The following CCDC92 variants were observed in gnomAD, a reference collection of about 807,000 sequenced individuals.
CCDC92 encodes coiled-coil domain-containing protein 92.
In CCDC92, 12 loss-of-function variants were observed where a neutral mutation model predicts 24.9. The ratio of observed to expected loss-of-function variants is 0.48; its 90% CI spans 0.31 to 0.78. The LOEUF (loss-of-function observed/expected upper bound fraction) is 0.78, where lower values mean the gene tolerates loss of function less well. Among genes scored for constraint, CCDC92 ranks in the 30% least tolerant of loss-of-function variants. The pLI, the probability that CCDC92 is intolerant of heterozygous loss-of-function variation, is 0.05. For synonymous variants in CCDC92, 193 were observed against 196.3 expected, an observed-to-expected ratio of 0.98 and a Z score of 0.14; for missense variants, 399 against 439.4, an observed-to-expected ratio of 0.91 and a Z score of 0.82.
chr12:123,942,891 C>A, intron 3 of CCDC92, 106 bp from the exon 4 acceptor site: 1 of 886,638 alleles, frequency 1.1e-6, no homozygotes, highest in Non-Finnish European at 1.9e-6. Context: ...CGAGTCCTAC[C>A]CAGACAGAGC....
chr12:123,941,647 G>A (rs1047526143), intron 4 of CCDC92, among the ~76,000 whole-genome samples: 4 of 152,232 alleles, frequency 2.6e-5, no homozygotes, highest in African/African-American at 9.6e-5. Context: ...CTCTATATAT[G>A]TTCCAGTGTA....
chr12:123,951,842 T>C (rs1176662127), intron 1 of CCDC92, among the ~76,000 whole-genome samples: 1 of 152,232 alleles, frequency 6.6e-6, no homozygotes, highest in Non-Finnish European at 1.5e-5. Context: ...AAATGATTCC[T>C]AGCAGTGAGG....
chr12:123,950,000 C>T (rs1028007350), intron 1 of CCDC92, among the ~76,000 whole-genome samples: 6 of 152,194 alleles, frequency 3.9e-5, no homozygotes, highest in African/African-American at 1.2e-4. Flanking sequence ...CTGACTTGCC[C>T]GAGCACAGTG....
intron 1 of CCDC92, among the ~76,000 whole-genome samples, chr12:123,967,817 CA>C (rs948500440): frequency 6.6e-5 from 10 of 152,178 alleles, no homozygotes; most frequent in African/African-American, 1.2e-4. Context: ...AATGCTTAAA[CA>C]ATGTTACCTA....
At chr12:123,954,552 T>G (rs754252045) in intron 1 of CCDC92, among the ~76,000 whole-genome samples, 4 of 152,196 alleles carry the variant, frequency 2.6e-5, no homozygotes, top group Non-Finnish European at 5.9e-5. Flanking sequence ...ATTAACTGGG[T>G]TTCTCTGCAC....
chr12:123,942,884 G>T, intron 3 of CCDC92, 99 bp from the exon 4 acceptor site: 1 of 941,112 alleles, frequency 1.1e-6, no homozygotes, highest in Non-Finnish European at 1.7e-6. Flanking sequence ...TAGCCAGCGA[G>T]TCCTACCCAG....
chr12:123,967,414 A>G (rs1566181497), intron 1 of CCDC92, among the ~76,000 whole-genome samples: 1 of 152,202 alleles, frequency 6.6e-6, no homozygotes, highest in African/African-American at 2.4e-5. Context: ...TCAATGTGCA[A>G]GATTTGGCTA....
chr12:123,942,667 G>C, intron 4 of CCDC92, 77 bp downstream of exon 4: 1 of 1,069,886 alleles, frequency 9.3e-7, no homozygotes, highest in East Asian at 2.4e-5. Context: ...TCCTAAGTGT[G>C]TGACTAGTGA....
At chr12:123,965,600 A>G (rs1316770909) in intron 1 of CCDC92, among the ~76,000 whole-genome samples, 1 of 152,058 alleles carries the variant, frequency 6.6e-6, no homozygotes, top group African/African-American at 2.4e-5. Flanking sequence ...ATCTATGGTC[A>G]GTCATCTTTC....
chr12:123,947,781 G>C (rs528947332), intron 1 of CCDC92, among the ~76,000 whole-genome samples: 2 of 152,238 alleles, frequency 1.3e-5, no homozygotes, highest in Middle Eastern at 3.4e-3. Context: ...CAGGCTGCCC[G>C]AGCCAGCAGT....
intron 1 of CCDC92, chr12:123,961,389 T>C (rs1956268621): frequency 6.6e-6 from 1 of 152,160 alleles, no homozygotes; most frequent in South Asian, 2.1e-4. Context: ...ATGGGCAGAG[T>C]TGGGACAGGA....
At chr12:123,962,178 G>C (rs1052799166) in intron 1 of CCDC92, among the ~76,000 whole-genome samples, 1 of 152,052 alleles carries the variant, frequency 6.6e-6, no homozygotes, top group African/African-American at 2.4e-5. Context: ...ATCAGAATAA[G>C]AGAAAATGCT....
intron 1 of CCDC92, among the ~76,000 whole-genome samples, chr12:123,947,758 A>G (rs979895499): frequency 6.6e-6 from 1 of 152,128 alleles, no homozygotes; most frequent in African/African-American, 2.4e-5. Context: ...GGGGCCAGAT[A>G]AGAAAATAAA....
chr12:123,962,283 G>A (rs963702169), intron 1 of CCDC92, among the ~76,000 whole-genome samples: 1 of 152,196 alleles, frequency 6.6e-6, no homozygotes, highest in Non-Finnish European at 1.5e-5. Context: ...TATTCTGTGT[G>A]GAAACATGTA....
intron 1 of CCDC92, chr12:123,971,734 A>G (rs952025634): frequency 6.6e-6 from 1 of 152,180 alleles, no homozygotes; most frequent in African/African-American, 2.4e-5. Context: ...AGTTAGAGAA[A>G]CTCACTCGCC....
chr12:123,958,475 C>T (rs936992191), intron 1 of CCDC92, among the ~76,000 whole-genome samples: 6 of 152,248 alleles, frequency 3.9e-5, no homozygotes, highest in East Asian at 1.9e-4. Context: ...TCCTCTGCCT[C>T]GTGCCTTCCT....
At chr12:123,942,525 AAAG>A (rs1422377646) in intron 4 of CCDC92, among the ~76,000 whole-genome samples, 1 of 152,228 alleles carries the variant, frequency 6.6e-6, no homozygotes, top group Non-Finnish European at 1.5e-5. Context: ...GTGTCATTCA[AAAG>A]AAAACAAAAT....
chr12:123,970,826 A>G (rs1370873858), intron 1 of CCDC92, among the ~76,000 whole-genome samples: 1 of 152,250 alleles, frequency 6.6e-6, no homozygotes, highest in East Asian at 1.9e-4. Context: ...TGCTTTTTTA[A>G]CATAAGTATT....
rs1232199652 is a variant in CCDC92, at chr12:123,936,699, T to C, written c.*359A>G. On this transcript the variant is annotated 3_prime_UTR_variant, in exon 5 of 5. Coordinates refer to ENST00000238156, the MANE Select transcript of CCDC92 (RefSeq NM_025140.3). ...CTTGAGGATAAGGTCAAGGTTGGTA[T>C]GTGTTGCTCCGACTTGAGAATGAAT... 3.1e-6 allele frequency: 1 copy of C among 321,824 alleles called. No individual in the cohort carries two copies. Among genetic ancestry groups the C allele is most frequent in the Non-Finnish European group, 5.8e-6 (1 of 173,818 alleles). The allele number at this position is 321,824 out of a possible 1,614,324, so 19.9% of individuals were successfully genotyped here.
Sources: gnomAD v4.1 joint callset for allele counts (sites outside exome capture counted in the v4.1 genomes callset) on GRCh38, gnomAD v4.1.1 for gene constraint, MANE v1.5 for transcripts, NCBI Gene and HGNC (gene_info 2026-07-23, HGNC 2026-07-21) for gene names.